EXT1: variants seen among roughly 807,000 people sequenced by gnomAD.
EXT1 encodes exostosin glycosyltransferase 1, also known as exostosin-1.
EXT1 carries 20 observed loss-of-function variants against 82.5 expected under a neutral mutation model. The ratio of observed to expected loss-of-function variants is 0.24; its 90% CI spans 0.17 to 0.35. The LOEUF is 0.35. Among genes scored for constraint, EXT1 ranks in the 10% least tolerant of loss-of-function variants. The probability of loss-of-function intolerance (pLI) is 1.00; values close to 1 mark genes in which losing one functional copy is unlikely to be tolerated. For missense variants in EXT1, 757 were observed against 936.5 expected, an observed-to-expected ratio of 0.81 and a Z score of 2.50; for synonymous variants, 348 against 350.8, an observed-to-expected ratio of 0.99 and a Z score of 0.09.
chr8:117,904,137 C>CCAGCT (rs1331751699), intron 1 of EXT1, among the ~76,000 whole-genome samples: 3 of 152,114 alleles, frequency 2.0e-5, no homozygotes, highest in African/African-American at 7.2e-5. Context: ...GCTGCAAAGA[C>CCAGCT]CAGCTCTTAA....
At chr8:118,012,744 A>G (rs1815927598) in intron 1 of EXT1, among the ~76,000 whole-genome samples, 1 of 152,226 alleles carries the variant, frequency 6.6e-6, no homozygotes, top group African/African-American at 2.4e-5. Context: ...ATTGCCTGGC[A>G]CATAATGGAC....
intron 1 of EXT1, among the ~76,000 whole-genome samples, chr8:117,973,073 C>T (rs533889699): frequency 1.3e-5 from 2 of 152,196 alleles, no homozygotes; most frequent in African/African-American, 4.8e-5. Flanking sequence ...AATTTTCAAA[C>T]ACAAACCATG....
intron 1 of EXT1, among the ~76,000 whole-genome samples, chr8:117,949,072 T>C (rs1468051666): frequency 6.6e-6 from 1 of 152,232 alleles, no homozygotes; most frequent in African/African-American, 2.4e-5. Flanking sequence ...ACGACTCTAA[T>C]ATTCTTTGTT....
intron 1 of EXT1, among the ~76,000 whole-genome samples, chr8:118,092,167 T>G (rs1290916421): frequency 6.6e-6 from 1 of 152,224 alleles, no homozygotes; most frequent in Non-Finnish European, 1.5e-5. Context: ...ATCAGGCACA[T>G]TTTTCCACCA....
At chr8:117,812,988 G>C in intron 7 of EXT1, 27 bp from the exon 8 acceptor site, 1 of 1,587,572 alleles carries the variant, frequency 6.3e-7, no homozygotes, top group Non-Finnish European at 8.6e-7. Context: ...GTAGGCAGTG[G>C]GGAGGGAATG....
intron 1 of EXT1, among the ~76,000 whole-genome samples, chr8:118,048,512 C>A (rs1258152331): frequency 6.6e-6 from 1 of 151,986 alleles, no homozygotes; most frequent in African/African-American, 2.4e-5. Context: ...TTTATTTTAC[C>A]CTTTCAAATC....
Position 117,974,867 on chromosome 8 carries a change from C to T in EXT1, c.962+135218G>A, listed in dbSNP as rs570889618. ...CAAACCCAGAGTTAATTATCATATC[C>T]TAAGACAACTAATGAAAAGCACTGG... On this transcript the variant is annotated intron_variant, in intron 1 of 10. Coordinates refer to ENST00000378204, the MANE Select transcript of EXT1 (RefSeq NM_000127.3). Among the ~76,000 whole-genome samples the T allele has an allele frequency of 2.0e-5, 3 of 152,246 alleles. No homozygotes were observed. The South Asian group carries it at 6.2e-4, about 32-fold the overall frequency.
chr8:117,795,004 G>A lies in EXT1; in HGVS notation c.*4708C>T, dbSNP rs1019034354. On this transcript the variant is annotated 3_prime_UTR_variant, in exon 11 of 11. Transcript: ENST00000378204. ...CCTAGTTTTAGTAATAGTTACAACC[G>A]AAAGGACAGGGATGTATTCCTGTAG... 3 of 152,178 alleles carry A rather than the reference G, an allele frequency of 2.0e-5. No homozygotes were observed. Among genetic ancestry groups the A allele is most frequent in the African/African-American group, 4.8e-5 (2 of 41,442 alleles). The allele number at this position is 152,178 out of a possible 1,614,324, so 9.4% of individuals were successfully genotyped here. A position where few individuals can be genotyped will look rare whatever the true frequency, so the allele number is the denominator to read the frequency against.
intron 1 of EXT1, among the ~76,000 whole-genome samples, chr8:117,964,819 G>A (rs1003709255): frequency 6.6e-6 from 1 of 151,996 alleles, no homozygotes; most frequent in African/African-American, 2.4e-5. Context: ...TGTATTTTTA[G>A]TAGAGACAGG....
At chr8:118,099,613 T>C (rs749413135) in intron 1 of EXT1, among the ~76,000 whole-genome samples, 54 of 152,242 alleles carry the variant, frequency 3.5e-4, no homozygotes, top group Non-Finnish European at 2.5e-4. Flanking sequence ...TCAGTTCATC[T>C]GCTATGTGTA....
chr8:118,108,375 G>A (rs1332957853), intron 1 of EXT1, among the ~76,000 whole-genome samples: 1 of 152,154 alleles, frequency 6.6e-6, no homozygotes, highest in Non-Finnish European at 1.5e-5. Flanking sequence ...ACTTCATCTC[G>A]AGTTACTCCA....
rs1183847798 is a variant in EXT1 at position 118,063,479 on chromosome 8, A to G, written c.962+46606T>C. Among the ~76,000 whole-genome samples, 9 of 152,254 alleles carry G rather than the reference A, an allele frequency of 5.9e-5. No individual in the cohort carries two copies. In the East Asian group the frequency reaches 1.7e-3, roughly 29 times the overall value. On this transcript the variant is annotated intron_variant, in intron 1 of 10. Coordinates refer to ENST00000378204, the MANE Select transcript of EXT1 (RefSeq NM_000127.3). ...TGCCAACTGCGAGTCACACAATCACAGTCTGGACAGAGGTGAACCATGACA... is the reference window on the plus strand; with the variant it reads ...TGCCAACTGCGAGTCACACAATCACGGTCTGGACAGAGGTGAACCATGACA...
At chr8:117,845,081 G>T (rs1812331600) in intron 1 of EXT1, among the ~76,000 whole-genome samples, 1 of 152,128 alleles carries the variant, frequency 6.6e-6, no homozygotes, top group Admixed American at 6.5e-5. Flanking sequence ...ACACTTCTTG[G>T]CTTTCCACAG....
chr8:118,064,325 C>T (rs1181568806), intron 1 of EXT1, among the ~76,000 whole-genome samples: 1 of 152,092 alleles, frequency 6.6e-6, no homozygotes, highest in Non-Finnish European at 1.5e-5. Flanking sequence ...GCCATCCCTC[C>T]CCTAGCTCCC....
intron 4 of EXT1, among the ~76,000 whole-genome samples, chr8:117,826,806 TA>T (rs986877897): frequency 1.3e-5 from 2 of 150,944 alleles, no homozygotes; most frequent in Non-Finnish European, 3.0e-5. Context: ...ACTGTGTTGC[TA>T]AAAAAAAATA....
chr8:117,972,373 G>A (rs1374351081), intron 1 of EXT1, among the ~76,000 whole-genome samples: 3 of 152,124 alleles, frequency 2.0e-5, no homozygotes, highest in African/African-American at 4.8e-5. Context: ...TGGCAAGGGT[G>A]CTGGGCACAA....
chr8:117,975,177 T>C (rs1815039456), intron 1 of EXT1, among the ~76,000 whole-genome samples: 1 of 152,214 alleles, frequency 6.6e-6, no homozygotes, highest in Non-Finnish European at 1.5e-5. Context: ...GAAGACAGAT[T>C]GTATTTCTTT....
At chr8:117,893,939 G>A (rs558370980) in intron 1 of EXT1, among the ~76,000 whole-genome samples, 4 of 152,304 alleles carry the variant, frequency 2.6e-5, no homozygotes, top group Admixed American at 2.6e-4. Flanking sequence ...TTCCCCAGGT[G>A]AGATCTGATC....
intron 1 of EXT1, among the ~76,000 whole-genome samples, chr8:118,043,327 T>C (rs1260977777): frequency 1.3e-5 from 2 of 152,228 alleles, no homozygotes; most frequent in Non-Finnish European, 2.9e-5. Flanking sequence ...AGAGACACTT[T>C]ATTCATCAAA....
Sources: gnomAD v4.1 joint callset for allele counts (sites outside exome capture counted in the v4.1 genomes callset) on GRCh38, gnomAD v4.1.1 for gene constraint, MANE v1.5 for transcripts, NCBI Gene and HGNC (gene_info 2026-07-23, HGNC 2026-07-21) for gene names.